The following MARCHF8 variants were observed in gnomAD, a reference collection of about 807,000 sequenced individuals.
The protein encoded by MARCHF8 is membrane associated ring-CH-type finger 8, also known as E3 ubiquitin-protein ligase MARCHF8.
A neutral mutation model predicts 51.6 loss-of-function variants in MARCHF8; 40 were observed. The observed-to-expected ratio is 0.77, with a 90% CI of 0.60 to 1.01. The LOEUF is 1.01. MARCHF8 is among the 50% of genes least tolerant of loss of function. The pLI, the probability that MARCHF8 is intolerant of heterozygous loss-of-function variation, is 0.00. For missense variants in MARCHF8, 685 were observed against 708.6 expected (o/e 0.97, Z 0.38); for synonymous variants, 263 against 280.3 (o/e 0.94, Z 0.62).
upstream of MARCHF8, among the ~76,000 whole-genome samples, chr10:45,538,080 A>AC (rs901459403): frequency 1.3e-5 from 2 of 152,182 alleles, no homozygotes; most frequent in African/African-American, 4.8e-5. Flanking sequence ...AGGTTGGGTT[A>AC]CCCACAAAGG....
At chr10:45,557,089 C>T (rs138187391) in intron 1 of MARCHF8, among the ~76,000 whole-genome samples, 1 of 150,196 alleles carries the variant, frequency 6.7e-6, no homozygotes, top group Non-Finnish European at 1.5e-5. Context: ...TGAAACTATA[C>T]CCATTGAACA....
At chr10:45,464,106 C>A in intron 4 of MARCHF8, 110 bp from the exon 5 acceptor site, 1 of 1,522,860 alleles carries the variant, frequency 6.6e-7, no homozygotes, top group South Asian at 1.2e-5. Flanking sequence ...GTGAGCAAAC[C>A]ACACATAAAA....
At chr10:45,491,601 C>T (rs1416070256) in intron 2 of MARCHF8, among the ~76,000 whole-genome samples, 1 of 152,170 alleles carries the variant, frequency 6.6e-6, no homozygotes, top group Admixed American at 6.5e-5. Flanking sequence ...ATATTATTCA[C>T]ACATTCATTC....
At chr10:45,553,833 GCA>G (rs10597890) in intron 1 of MARCHF8, among the ~76,000 whole-genome samples, 52,933 of 150,626 alleles carry the variant, frequency 0.35, 9,628 homozygotes, top group African/African-American at 0.46. Flanking sequence ...GCATGGACAT[GCA>G]CACACACACA....
chr10:45,568,948 C>T (rs965415996), intron 1 of MARCHF8, among the ~76,000 whole-genome samples: 2 of 150,702 alleles, frequency 1.3e-5, no homozygotes, highest in Non-Finnish European at 3.0e-5. Flanking sequence ...GCCTGTAGTC[C>T]GAGCTACTCG....
chr10:45,561,542 G>A (rs931210684), intron 1 of MARCHF8, among the ~76,000 whole-genome samples: 1 of 151,422 alleles, frequency 6.6e-6, no homozygotes, highest in Non-Finnish European at 1.5e-5. Flanking sequence ...CCAAAGTGCT[G>A]GCATTACAGG....
rs114025251 is a variant in MARCHF8 at position 45,483,379 on chromosome 10, G to A, written c.153+5988C>T. 6.7e-3 allele frequency among the ~76,000 whole-genome samples: 1,026 copies of A among 152,304 alleles called. 8 individuals are homozygous for A. The highest frequency in any genetic ancestry group is 0.024 in the African/African-American group (977 of 41,566). The stretch of plus-strand genomic sequence containing the variant: ...ACATGTAAATGACCGACAGCTGCAT[G>A]AAAAACTGCTCAGCATCCCTAATCA... On this transcript the variant is annotated intron_variant, in intron 3 of 7. Transcript: ENST00000453424.
At chr10:45,571,101 A>G (rs1008267070) in intron 1 of MARCHF8, among the ~76,000 whole-genome samples, 2 of 152,212 alleles carry the variant, frequency 1.3e-5, no homozygotes, top group African/African-American at 4.8e-5. Flanking sequence ...ATGAAATATG[A>G]AAGTATATGA....
rs779270852 is a variant in MARCHF8, at chr10:45,464,333, A to C, written c.154-6T>G. ...GCTGACGGAGGACTCCCAGCCTGCAATGACAGACCTGTGGTCAGTGTTCAG... is the reference window on the plus strand; with the variant it reads ...GCTGACGGAGGACTCCCAGCCTGCACTGACAGACCTGTGGTCAGTGTTCAG... On this transcript the variant is annotated splice_region_variant and splice_polypyrimidine_tract_variant and intron_variant, in intron 3 of 7. Transcript: ENST00000453424. The C allele has an allele frequency of 6.2e-7, 1 of 1,613,742 alleles. No homozygotes were observed. Among genetic ancestry groups the C allele is most frequent in the Non-Finnish European group, 8.5e-7 (1 of 1,179,738 alleles).
At chr10:45,499,452 C>G (rs1158516466) in intron 2 of MARCHF8, among the ~76,000 whole-genome samples, 1 of 152,082 alleles carries the variant, frequency 6.6e-6, no homozygotes, top group Non-Finnish European at 1.5e-5. Flanking sequence ...AATCTAATTT[C>G]TGTATTTTTA....
intron 1 of MARCHF8, among the ~76,000 whole-genome samples, chr10:45,575,248 C>G (rs1208426397): frequency 6.6e-6 from 1 of 152,210 alleles, no homozygotes; most frequent in Non-Finnish European, 1.5e-5. Flanking sequence ...TTCTATCTCA[C>G]AGAGCAGTTT....
intron 1 of MARCHF8, among the ~76,000 whole-genome samples, chr10:45,580,487 C>T (rs187470730): frequency 1.3e-5 from 2 of 152,240 alleles, no homozygotes; most frequent in Admixed American, 1.3e-4. Flanking sequence ...CTGTGCACTC[C>T]AAGTATTTCT....
At position 45,461,242 on chromosome 10, in the gene MARCHF8, G is replaced by A; in HGVS notation, c.1258C>T (p.Pro420Ser). Residue 420 changes from proline to serine, a missense_variant, in exon 6 of 8, where the codon CCA becomes TCA. Pro to Ser is a moderately conservative substitution (Grantham distance 74). Coordinates refer to ENST00000453424, the MANE Select transcript of MARCHF8 (RefSeq NM_001282866.2). Reference sequence around the variant, plus strand: ...TTCCTCCCACGTACTTTTCTCAGTGGCTTCAGCTTGGTCTCCATGATGAAC... The same window carrying A: ...TTCCTCCCACGTACTTTTCTCAGTGACTTCAGCTTGGTCTCCATGATGAAC... ...YEFIMETKLK[P>S]LRKWEKLQMT... The A allele has an allele frequency of 6.6e-7, 1 of 1,526,600 alleles. No homozygotes were observed. The highest frequency in any genetic ancestry group is 8.8e-7 in the Non-Finnish European group (1 of 1,134,070). 94.6% of individuals were successfully genotyped at this position (1,526,600 alleles called of 1,614,324 possible).
Position 45,495,868 on chromosome 10 carries a change from GAGAAA to G in MARCHF8, c.103-6456_103-6452del, listed in dbSNP as rs556293416. 4.3e-4 allele frequency among the ~76,000 whole-genome samples: 65 copies of G among 151,300 alleles called. No homozygotes were observed. The East Asian group carries it at 8.4e-3, about 19-fold the overall frequency. ...AAAAAGAAAAGAGAAGAAGAGAAGA[GAGAAA>G]AGAAAAGAAAAGAAAGGAGAAAGGA... is the stretch of plus-strand genomic sequence containing the variant. On this transcript the variant is annotated intron_variant, in intron 2 of 7. Transcript: ENST00000453424.
chr10:45,571,587 G>A (rs934995515), intron 1 of MARCHF8, among the ~76,000 whole-genome samples: 8 of 152,054 alleles, frequency 5.3e-5, no homozygotes, highest in African/African-American at 1.5e-4. Context: ...GCCGTGACTC[G>A]GATCGGCGGA....
intron 1 of MARCHF8, among the ~76,000 whole-genome samples, chr10:45,542,666 A>G (rs1259640437): frequency 6.6e-6 from 1 of 152,190 alleles, no homozygotes; most frequent in African/African-American, 2.4e-5. Flanking sequence ...ATTTTTCAAA[A>G]TGAAATGTAT....
At chr10:45,498,480 GA>G (rs2043215577) in intron 2 of MARCHF8, among the ~76,000 whole-genome samples, 1 of 142,598 alleles carries the variant, frequency 7.0e-6, no homozygotes, top group Non-Finnish European at 1.6e-5. Flanking sequence ...GCATGTGTCA[GA>G]AGCCTTTTTT....
intron 2 of MARCHF8, among the ~76,000 whole-genome samples, chr10:45,490,893 A>G (rs2043068508): frequency 6.6e-6 from 1 of 152,222 alleles, no homozygotes; most frequent in East Asian, 1.9e-4. Flanking sequence ...ATGTGCCAAC[A>G]TGTCTGACTA....
chr10:45,481,215 G>A (rs939460095), intron 3 of MARCHF8, among the ~76,000 whole-genome samples: 1 of 152,210 alleles, frequency 6.6e-6, no homozygotes, highest in African/African-American at 2.4e-5. Context: ...TGCCCCCATT[G>A]TATCTAGAAA....
Sources: allele counts gnomAD v4.1 joint callset (sites outside exome capture counted in the v4.1 genomes callset), GRCh38; gene constraint gnomAD v4.1.1; transcripts MANE v1.5; gene names NCBI Gene and HGNC (gene_info 2026-07-23, HGNC 2026-07-21).